The following SDK1 variants were observed in gnomAD, a reference collection of about 807,000 sequenced individuals.
The protein encoded by SDK1 is protein sidekick-1.
SDK1 carries 157 observed loss-of-function variants against 245.5 expected under a neutral mutation model. That is an observed-to-expected ratio of 0.64 (90% confidence interval 0.56 to 0.73). SDK1 has a LOEUF of 0.73. Among genes scored for constraint, SDK1 ranks in the 30% least tolerant of loss-of-function variants. The pLI, the probability that SDK1 is intolerant of heterozygous loss-of-function variation, is 0.00. For synonymous variants in SDK1, 1,647 were observed against 1,278.5 expected (o/e 1.29, Z -6.15); for missense variants, 3,583 against 3,002.3 (o/e 1.19, Z -4.52).
At chr7:3,968,636 C>T (rs1318813460) in intron 10 of SDK1, among the ~76,000 whole-genome samples, 2 of 152,200 alleles carry the variant, frequency 1.3e-5, no homozygotes, top group Non-Finnish European at 2.9e-5. Context: ...AAAAACCGAT[C>T]ACCCAAACAT....
chr7:4,052,886 C>T (rs921994458), intron 19 of SDK1, among the ~76,000 whole-genome samples: 1 of 151,708 alleles, frequency 6.6e-6, no homozygotes, highest in Non-Finnish European at 1.5e-5. Context: ...CAGGAGTTCA[C>T]GACCAGCCTG....
At chr7:3,798,680 C>T (rs867653134) in intron 4 of SDK1, among the ~76,000 whole-genome samples, 24 of 152,286 alleles carry the variant, frequency 1.6e-4, no homozygotes, top group Admixed American at 3.9e-4. Context: ...TCGGCTAAGG[C>T]GGTGTCAGCC....
intron 1 of SDK1, among the ~76,000 whole-genome samples, chr7:3,391,698 A>G (rs1031630261): frequency 6.9e-6 from 1 of 144,588 alleles, no homozygotes; most frequent in Non-Finnish European, 1.5e-5. Context: ...GTGCAGTGGC[A>G]TGATCATGGC....
intron 20 of SDK1, among the ~76,000 whole-genome samples, chr7:4,074,169 A>G (rs905031333): frequency 1.3e-5 from 2 of 152,026 alleles, no homozygotes; most frequent in African/African-American, 2.4e-5. Flanking sequence ...GAAACGAGCT[A>G]TTCTGCAGGA....
intron 1 of SDK1, among the ~76,000 whole-genome samples, chr7:3,419,659 A>G (rs1481993052): frequency 6.6e-6 from 1 of 152,204 alleles, no homozygotes; most frequent in African/African-American, 2.4e-5. Context: ...TCATATGGGA[A>G]AATATGTTTC....
At chr7:3,652,978 T>C (rs1164529071) in intron 4 of SDK1, among the ~76,000 whole-genome samples, 1 of 152,138 alleles carries the variant, frequency 6.6e-6, no homozygotes, top group Non-Finnish European at 1.5e-5. Context: ...GGCAAAGAAG[T>C]GGGTGGACTG....
intron 1 of SDK1, among the ~76,000 whole-genome samples, chr7:3,455,773 T>C (rs1033118512): frequency 6.6e-6 from 1 of 152,244 alleles, no homozygotes; most frequent in Non-Finnish European, 1.5e-5. Context: ...CTTTGCCTTT[T>C]CATATAAATT....
chr7:3,947,531 TGTG>T (rs1780629236), intron 5 of SDK1, among the ~76,000 whole-genome samples: 1 of 6,342 alleles, frequency 1.6e-4, no homozygotes, highest in Admixed American at 2.1e-3. Context: ...AGTATTTGCT[TGTG>T]TGTGTGTGTG....
In SDK1 at chr7:4,033,276, A is replaced by G. The variant is rs78403359; in HGVS notation, c.2602+15924A>G. On this transcript the variant is annotated intron_variant, in intron 17 of 44. Transcript: ENST00000404826. Reference sequence around the variant, plus strand: ...CTATATGGAAAAAATACAAAACTGTATCCATTCCCTACCCCCATATACAAG... The same window carrying G: ...CTATATGGAAAAAATACAAAACTGTGTCCATTCCCTACCCCCATATACAAG... Among the ~76,000 whole-genome samples the G allele has an allele frequency of 6.8e-4, 103 of 152,330 alleles. 2 individuals are homozygous for G. In the East Asian group the frequency reaches 0.017, roughly 25 times the overall value.
chr7:3,615,226 A>G (rs1399660042), intron 1 of SDK1, among the ~76,000 whole-genome samples: 2 of 151,700 alleles, frequency 1.3e-5, no homozygotes, highest in Non-Finnish European at 2.9e-5. Flanking sequence ...ATGGCCAGAC[A>G]TTAATAAAGC....
chr7:3,508,328 T>TCC (rs200068098), intron 1 of SDK1, among the ~76,000 whole-genome samples: 1 of 64,152 alleles, frequency 1.6e-5, no homozygotes, highest in Non-Finnish European at 2.8e-5. Context: ...TTCTTCTTCT[T>TCC]TTTTTTTTTT....
intron 2 of SDK1, 52 bp from the exon 3 acceptor site, chr7:3,638,952 A>C: frequency 9.0e-7 from 1 of 1,108,506 alleles, no homozygotes; most frequent in Non-Finnish European, 1.3e-6. Context: ...GGTTAGATAT[A>C]ACCATGAAAC....
At chr7:3,657,714 G>C (rs762606192) in intron 4 of SDK1, among the ~76,000 whole-genome samples, 1 of 152,144 alleles carries the variant, frequency 6.6e-6, no homozygotes, top group African/African-American at 2.4e-5. Context: ...GCCAGGCAGC[G>C]TGCAGCCTAT....
intron 42 of SDK1, among the ~76,000 whole-genome samples, chr7:4,240,816 G>A (rs534783527): frequency 6.6e-5 from 10 of 152,260 alleles, no homozygotes; most frequent in Admixed American, 2.0e-4. Flanking sequence ...GTGATCTGCA[G>A]GAAGGGGAGA....
intron 4 of SDK1, among the ~76,000 whole-genome samples, chr7:3,800,666 G>A (rs1473714314): frequency 1.3e-5 from 2 of 152,044 alleles, no homozygotes; most frequent in East Asian, 1.9e-4. Flanking sequence ...TGCCTCGCTC[G>A]GCTGCCGTCT....
intron 1 of SDK1, among the ~76,000 whole-genome samples, chr7:3,477,980 C>T (rs1366582520): frequency 6.6e-6 from 1 of 152,080 alleles, no homozygotes; most frequent in Non-Finnish European, 1.5e-5. Flanking sequence ...TTTTCCTAAA[C>T]AGTTTCCCAT....
intron 1 of SDK1, among the ~76,000 whole-genome samples, chr7:3,616,914 T>G (rs1001705703): frequency 6.6e-6 from 1 of 152,192 alleles, no homozygotes; most frequent in African/African-American, 2.4e-5. Context: ...TATGACTTCT[T>G]GAAAAGAAAT....
chr7:3,564,773 A>G (rs1779856076), intron 1 of SDK1, among the ~76,000 whole-genome samples: 1 of 152,162 alleles, frequency 6.6e-6, no homozygotes, highest in South Asian at 2.1e-4. Flanking sequence ...GAGTTCTACT[A>G]AACTTTAGAA....
chr7:3,627,081 C>G (rs1471292176), intron 2 of SDK1, among the ~76,000 whole-genome samples: 2 of 152,120 alleles, frequency 1.3e-5, no homozygotes, highest in African/African-American at 4.8e-5. Context: ...GCACACACCA[C>G]CATGCCCAGC....
Sources: gnomAD v4.1 joint callset for allele counts (sites outside exome capture counted in the v4.1 genomes callset) on GRCh38, gnomAD v4.1.1 for gene constraint, MANE v1.5 for transcripts, NCBI Gene and HGNC (gene_info 2026-07-23, HGNC 2026-07-21) for gene names.